The following TP73 variants were observed in gnomAD, a reference collection of about 807,000 sequenced individuals.
The protein encoded by TP73 is p53-like transcription factor.
TP73 carries 25 observed loss-of-function variants against 62.5 expected under a neutral mutation model. The ratio of observed to expected loss-of-function variants is 0.40; its 90% CI spans 0.29 to 0.56. The LOEUF (loss-of-function observed/expected upper bound fraction) is 0.56. TP73 is among the 20% of genes least tolerant of loss of function. TP73 has a pLI of 0.46. For synonymous variants in TP73, 423 were observed against 377.5 expected (o/e 1.12, Z -1.40); for missense variants, 754 against 913.3 (o/e 0.83, Z 2.25).
chr1:3,697,025 A>G (rs542174099), intron 3 of TP73, among the ~76,000 whole-genome samples: 3 of 152,252 alleles, frequency 2.0e-5, no homozygotes, highest in Non-Finnish European at 4.4e-5. Flanking sequence ...CTGAGAGGGG[A>G]TGGTGCCGTG....
intron 4 of TP73, among the ~76,000 whole-genome samples, chr1:3,711,504 C>A (rs1439275840): frequency 6.6e-6 from 1 of 152,258 alleles, no homozygotes; most frequent in Non-Finnish European, 1.5e-5. Context: ...TGCTGTGACA[C>A]CCCGGCTCAG....
chr1:3,697,959 G>A (rs539875187), intron 3 of TP73: 7 of 433,968 alleles, frequency 1.6e-5, no homozygotes, highest in South Asian at 1.9e-4. Flanking sequence ...GGCACGCCCC[G>A]TGACTGCCTC....
intron 1 of TP73, chr1:3,659,216 C>A (rs1570348635): frequency 6.6e-6 from 1 of 151,526 alleles, no homozygotes; most frequent in East Asian, 1.9e-4. Flanking sequence ...TGACTAAAAA[C>A]CAGTTTCTGA....
intron 3 of TP73, among the ~76,000 whole-genome samples, chr1:3,704,194 A>G (rs926659937): frequency 6.6e-6 from 1 of 152,190 alleles, no homozygotes; most frequent in African/African-American, 2.4e-5. Flanking sequence ...TGCTTTTTCT[A>G]GTAGCCGCAT....
At chr1:3,687,229 G>T (rs1193935643) in intron 3 of TP73, among the ~76,000 whole-genome samples, 1 of 152,202 alleles carries the variant, frequency 6.6e-6, no homozygotes, top group Non-Finnish European at 1.5e-5. Flanking sequence ...CCATGGGCTG[G>T]GGAGGGTGGG....
chr1:3,659,520 G>C (rs1012258440), intron 1 of TP73: 2 of 152,126 alleles, frequency 1.3e-5, no homozygotes, highest in Middle Eastern at 3.2e-3. Context: ...AGAAACATCA[G>C]GAACCCGTCC....
chr1:3,689,792 G>A (rs773313640), intron 3 of TP73, among the ~76,000 whole-genome samples: 5 of 152,078 alleles, frequency 3.3e-5, no homozygotes, highest in African/African-American at 4.8e-5. Context: ...TGAGAGCCAC[G>A]GCGCCCTGGG....
intron 3 of TP73, among the ~76,000 whole-genome samples, chr1:3,691,140 G>A (rs970943575): frequency 6.6e-6 from 1 of 152,156 alleles, no homozygotes; most frequent in Non-Finnish European, 1.5e-5. Flanking sequence ...AGCAGATTCG[G>A]GCTCCAACAG....
intron 7 of TP73, 66 bp from the exon 8 acceptor site, chr1:3,727,562 G>A (rs2124519849): frequency 6.4e-7 from 1 of 1,551,314 alleles, no homozygotes; most frequent in Non-Finnish European, 8.7e-7. Flanking sequence ...GAGGTGGGTG[G>A]GGAAGGTGGG....
chr1:3,731,602 G>T, intron 13 of TP73, 46 bp downstream of exon 13: 1 of 1,577,202 alleles, frequency 6.3e-7, no homozygotes, highest in Non-Finnish European at 8.7e-7. Context: ...TAGCTGGAGG[G>T]GCCCCTGTCC....
chr1:3,653,437 T>A (rs1207691073), intron 1 of TP73, among the ~76,000 whole-genome samples: 1 of 152,228 alleles, frequency 6.6e-6, no homozygotes, highest in East Asian at 1.9e-4. Flanking sequence ...TATTTTGGCC[T>A]GGACGCTAGG....
At chr1:3,693,357 G>A (rs1199185731) in intron 3 of TP73, among the ~76,000 whole-genome samples, 1 of 152,198 alleles carries the variant, frequency 6.6e-6, no homozygotes, top group Admixed American at 6.5e-5. Context: ...TCAAAGCACA[G>A]TAGCTGCTCC....
chr1:3,679,595 G>C (rs923630313), intron 1 of TP73, among the ~76,000 whole-genome samples: 14 of 147,480 alleles, frequency 9.5e-5, no homozygotes, highest in African/African-American at 3.5e-4. Context: ...GTCTCTCTTT[G>C]TCCTTGTCTC....
chr1:3,697,590 T>C (rs1377466846), intron 3 of TP73, among the ~76,000 whole-genome samples: 2 of 152,228 alleles, frequency 1.3e-5, no homozygotes, highest in Non-Finnish European at 2.9e-5. Flanking sequence ...GCTGGTTTGT[T>C]TACTGTCGTC....
intron 3 of TP73, among the ~76,000 whole-genome samples, chr1:3,697,474 T>G (rs903282040): frequency 1.3e-5 from 2 of 152,166 alleles, no homozygotes; most frequent in African/African-American, 4.8e-5. Flanking sequence ...AGGCCCGCCT[T>G]CACCTTTTCC....
intron 1 of TP73, among the ~76,000 whole-genome samples, chr1:3,657,515 G>A (rs2101998572): frequency 6.6e-6 from 1 of 152,308 alleles, no homozygotes; most frequent in African/African-American, 2.4e-5. Context: ...ATCCCATTCT[G>A]AGGCTCGTTC....
intron 11 of TP73, 102 bp from the exon 12 acceptor site, chr1:3,730,825 G>A (rs1642079160): frequency 4.9e-6 from 7 of 1,423,686 alleles, no homozygotes; most frequent in Admixed American, 2.5e-5. Context: ...GCCAGGCCTT[G>A]GGATGGCTCC....
intron 13 of TP73, among the ~76,000 whole-genome samples, chr1:3,732,264 T>C (rs76564960): frequency 0.016 from 2,377 of 152,310 alleles, 60 homozygotes; most frequent in African/African-American, 0.052. Context: ...TCAGCCTAAC[T>C]GTCCCTCGTG....
intron 1 of TP73, among the ~76,000 whole-genome samples, chr1:3,667,610 C>T (rs1235272457): frequency 6.6e-6 from 1 of 151,906 alleles, no homozygotes; most frequent in African/African-American, 2.4e-5. Context: ...ATTAGCCAGG[C>T]GTGGTGGCAC....
Sources: gnomAD v4.1 joint callset for allele counts (sites outside exome capture counted in the v4.1 genomes callset) on GRCh38, gnomAD v4.1.1 for gene constraint, MANE v1.5 for transcripts, NCBI Gene and HGNC (gene_info 2026-07-23, HGNC 2026-07-21) for gene names.